ROGDI: variants seen among roughly 807,000 people sequenced by gnomAD.
ROGDI encodes the protein rogdi atypical leucine zipper, also known as protein rogdi homolog.
A neutral mutation model predicts 43.1 loss-of-function variants in ROGDI; 46 were observed. The observed-to-expected ratio is 1.07, with a 90% confidence interval of 0.84 to 1.37. The LOEUF (loss-of-function observed/expected upper bound fraction) is 1.37. Ranked by LOEUF, ROGDI falls within the 40% of genes most tolerant of loss-of-function variation. The probability of loss-of-function intolerance (pLI) is 0.00; values close to 1 mark genes in which losing one functional copy is unlikely to be tolerated. For missense variants in ROGDI, 518 were observed against 383.9 expected (o/e 1.35, Z -2.92); for synonymous variants, 243 against 162.0 (o/e 1.50, Z -3.80).
At position 4,802,598 on chromosome 16, in the gene ROGDI, C is replaced by T. The variant is rs746984811; in HGVS notation, c.-27G>A. On this transcript the variant is annotated 5_prime_UTR_variant, in exon 1 of 11. Transcript: ENST00000322048. ...GCCGCAGGCCGCCGCCGAGCGCCCT[C>T]CCCACCGGCCGCTGCTCCTGTCCAC... The T allele has an allele frequency of 1.8e-5, 24 of 1,300,798 alleles. No homozygotes were observed. Among genetic ancestry groups the T allele is most frequent in the Non-Finnish European group, 2.3e-5 (24 of 1,022,054 alleles). 80.6% of individuals were successfully genotyped at this position (1,300,798 alleles called of 1,614,324 possible).
intron 1 of ROGDI, 26 bp downstream of exon 1, chr16:4,802,501 C>G: frequency 8.3e-7 from 1 of 1,210,928 alleles, no homozygotes; most frequent in South Asian, 4.0e-5. Context: ...GCCCCGCCGG[C>G]CCGCCCGCTG....
At chr16:4,801,620 G>T in intron 2 of ROGDI, 35 bp from the exon 3 acceptor site, 1 of 1,530,458 alleles carries the variant, frequency 6.5e-7, no homozygotes, top group Non-Finnish European at 8.9e-7. Flanking sequence ...AGCTGGTAGC[G>T]CCCACTCAGG....
At position 4,798,171 on chromosome 16, in the gene ROGDI, G is replaced by A. The variant is rs761760005; in HGVS notation, c.545C>T (p.Pro182Leu). The stretch of plus-strand genomic sequence containing the variant: ...GACCAGCAGGTCGGACGGCAGGGCA[G>A]GGGCGAACATCCGCTGCGGGAGGCA... ...AASGLTRMFA[P>L]ALPSDLLVNV... is the part of the protein sequence containing the mutation. Residue 182 changes from proline (P) to leucine (L), a missense_variant, in exon 8 of 11, where the codon CCT becomes CTT. Coordinates refer to ENST00000322048, the MANE Select transcript of ROGDI (RefSeq NM_024589.3). The A allele has an allele frequency of 6.2e-7, 1 of 1,613,750 alleles. No individual in the cohort carries two copies. The highest frequency in any genetic ancestry group is 1.1e-5 in the South Asian group (1 of 91,062).
At chr16:4,800,863 G>C (rs1023916593) in intron 4 of ROGDI, 3 of 545,508 alleles carry the variant, frequency 5.5e-6, no homozygotes, top group African/African-American at 1.9e-5. Context: ...CTGTGCGAAC[G>C]GGGTGCATCT....
In ROGDI at chr16:4,797,217, T is replaced by G; in HGVS notation, c.*243A>C. 4.2e-6 allele frequency: 2 copies of G among 471,080 alleles called. No individual in the cohort carries two copies. Among genetic ancestry groups the G allele is most frequent in the Non-Finnish European group, 3.8e-6 (1 of 260,842 alleles). The allele number at this position is 471,080 out of a possible 1,614,324, so 29.2% of individuals were successfully genotyped here. On this transcript the variant is annotated 3_prime_UTR_variant, in exon 11 of 11. Transcript: ENST00000322048. ...GATTCCCATGGTGATCAGAGGGCGG[T>G]GTTGGGAATGTGGGACACCCTTGGC...
At chr16:4,802,052 C>G in intron 2 of ROGDI, 1 of 601,720 alleles carries the variant, frequency 1.7e-6, no homozygotes, top group Non-Finnish European at 3.1e-6. Context: ...CAGGGAGGTT[C>G]AGTGACTTGG....
In ROGDI at chr16:4,798,116, G is replaced by A. The variant is rs1211649712; in HGVS notation, c.600C>T (p.Cys200=). 2.5e-6 allele frequency: 4 copies of A among 1,614,050 alleles called. No homozygotes were observed. Among genetic ancestry groups the A allele is most frequent in the Admixed American group, 1.7e-5 (1 of 60,020 alleles). Residue 200 remains cysteine, a synonymous_variant, in exon 8 of 11, where the codon TGC becomes TGT. Transcript: ENST00000322048. ...GGGCATGCAGCTGGTACACCGTGAG[G>A]CAGAGCTTGTTGAGGTTGATGTAGA... is the stretch of plus-strand genomic sequence containing the variant. ...VNVYINLNKL[C]LTVYQLHALQ...
At chr16:4,800,887 G>C (rs1420392779) in intron 4 of ROGDI, 1 of 511,624 alleles carries the variant, frequency 2.0e-6, no homozygotes, top group African/African-American at 1.9e-5. Flanking sequence ...GTCTACAAAG[G>C]GCAACAGATG....
chr16:4,801,357 A>AC (rs757917795), intron 3 of ROGDI, 36 bp from the exon 4 acceptor site: 36 of 1,586,754 alleles, frequency 2.3e-5, no homozygotes, highest in Admixed American at 6.9e-5. Context: ...GCCTGTGGTC[A>AC]CCCCCCCACC....
chr16:4,802,520 G>GC lies in ROGDI; in HGVS notation c.45+6dup. The GC allele has an allele frequency of 8.2e-7, 1 of 1,225,930 alleles. No individual in the cohort carries two copies. Among genetic ancestry groups the GC allele is most frequent in the Non-Finnish European group, 1.0e-6 (1 of 984,668 alleles). 75.9% of individuals were successfully genotyped at this position (1,225,930 alleles called of 1,614,324 possible). On this transcript the variant is annotated splice_region_variant and intron_variant, in intron 1 of 10. Transcript: ENST00000322048. ...CGCCGGCCCGCCCGCTGGCCCGCGCGCCTTACCAGCACCGCCCGCTCCGCC... is the reference window on the plus strand; with the variant it reads ...CGCCGGCCCGCCCGCTGGCCCGCGCGCCCTTACCAGCACCGCCCGCTCCGCC...
At chr16:4,797,525 G>A (rs768687203) in intron 10 of ROGDI, 24 bp from the exon 11 acceptor site, 97 of 1,367,850 alleles carry the variant, frequency 7.1e-5, no homozygotes, top group Non-Finnish European at 8.7e-5. Flanking sequence ...GGGTGCTGTA[G>A]GTTGCTGAAG....
chr16:4,798,569 C>A lies in ROGDI; in HGVS notation c.531G>T (p.Thr177=). 6.4e-7 allele frequency: 1 copy of A among 1,552,360 alleles called. No homozygotes were observed. The highest frequency in any genetic ancestry group is 8.7e-7 in the Non-Finnish European group (1 of 1,154,466). The change falls in exon 7 of 11, where the codon ACG becomes ACT. Residue 177 remains threonine (T), a splice_region_variant and synonymous_variant. Transcript: ENST00000322048. ...AGCAGGGGCTGGCAGGGGCACTGAC[C>A]GTGAGGCCGCTGGCGGCGATCTCGG... ...TLPEIAASGL[T]RMFAPALPSD... is the part of the protein sequence containing the mutation.
chr16:4,801,152 G>T, intron 4 of ROGDI, 115 bp downstream of exon 4: 1 of 804,756 alleles, frequency 1.2e-6, no homozygotes, highest in South Asian at 1.9e-5. Flanking sequence ...GAAAACTGAG[G>T]CCAGAGAGAT....
Position 4,798,605 on chromosome 16 carries a change from G to C in ROGDI, c.495C>G (p.Thr165=). 2 of 1,574,070 alleles carry C rather than the reference G, an allele frequency of 1.3e-6. No homozygotes were observed. The highest frequency in any genetic ancestry group is 1.7e-6 in the Non-Finnish European group (2 of 1,165,112). ...TGGCGGCGATCTCGGGGAGGGTGAG[G>C]GTGGCGGGGGTGGTGAGCCGGTTTC... ...RARNRLTTPA[T]LTLPEIAASG... is the part of the protein sequence containing the mutation. Residue 165 remains threonine, a synonymous_variant, in exon 7 of 11, where the codon ACC becomes ACG. Coordinates refer to ENST00000322048, the MANE Select transcript of ROGDI (RefSeq NM_024589.3).
chr16:4,798,806 TAAA>T (rs2082685437), intron 6 of ROGDI, 139 bp from the exon 7 acceptor site: 1 of 688,236 alleles, frequency 1.5e-6, no homozygotes. Context: ...AGGGACCTGT[TAAA>T]GACAGGTAGT....
At position 4,797,354 on chromosome 16, in the gene ROGDI, T is replaced by G; in HGVS notation, c.*106A>C. On this transcript the variant is annotated 3_prime_UTR_variant, in exon 11 of 11. Transcript: ENST00000322048. Reference sequence around the variant, plus strand: ...GTGTTAGGTGGGGTAGGGGGTGGGATAGGGAGATAAATAGCAGCCTGGCGT... The same window carrying G: ...GTGTTAGGTGGGGTAGGGGGTGGGAGAGGGAGATAAATAGCAGCCTGGCGT... 4.2e-6 allele frequency: 4 copies of G among 963,812 alleles called. No homozygotes were observed. The highest frequency in any genetic ancestry group is 4.7e-6 in the Non-Finnish European group (3 of 632,698). The allele number at this position is 963,812 out of a possible 1,614,324, so 59.7% of individuals were successfully genotyped here. A position where few individuals can be genotyped will look rare whatever the true frequency, so the allele number is the denominator to read the frequency against.
In ROGDI at chr16:4,797,264, C is replaced by T; in HGVS notation, c.*196G>A. On this transcript the variant is annotated 3_prime_UTR_variant, in exon 11 of 11. Coordinates refer to ENST00000322048, the MANE Select transcript of ROGDI (RefSeq NM_024589.3). ...TGGCCCCGCCTCCCTGACCTCCCCACTACCCCACCAAACCAGCCTTCCTTC... is the reference window on the plus strand; with the variant it reads ...TGGCCCCGCCTCCCTGACCTCCCCATTACCCCACCAAACCAGCCTTCCTTC... The T allele has an allele frequency of 1.7e-6, 1 of 585,750 alleles. No homozygotes were observed. The allele number at this position is 585,750 out of a possible 1,614,324, so 36.3% of individuals were successfully genotyped here. A position where few individuals can be genotyped will look rare whatever the true frequency, so the allele number is the denominator to read the frequency against.
intron 5 of ROGDI, among the ~76,000 whole-genome samples, chr16:4,800,052 C>T (rs2082697514): frequency 6.6e-6 from 1 of 152,138 alleles, no homozygotes; most frequent in South Asian, 2.1e-4. Flanking sequence ...GGGAAGCAAA[C>T]AGGGCGACAA....
At chr16:4,802,496 G>C (rs1336130257) in intron 1 of ROGDI, 31 bp downstream of exon 1, 2 of 1,210,034 alleles carry the variant, frequency 1.7e-6, no homozygotes, top group Non-Finnish European at 2.0e-6. Context: ...CCGCCGCCCC[G>C]CCGGCCCGCC....
Sources: allele counts gnomAD v4.1 joint callset (sites outside exome capture counted in the v4.1 genomes callset), GRCh38; gene constraint gnomAD v4.1.1; transcripts MANE v1.5; gene names NCBI Gene and HGNC (gene_info 2026-07-23, HGNC 2026-07-21).